LDLRAD3: variants seen among roughly 807,000 people sequenced by gnomAD.
LDLRAD3 encodes the protein low-density lipoprotein receptor class A domain-containing protein 3.
Under a neutral mutation model 29.4 loss-of-function variants are expected in LDLRAD3, and 20 were observed. That is an observed-to-expected ratio of 0.68 (90% confidence interval 0.48 to 0.99). LDLRAD3 has a LOEUF of 0.99. Among genes scored for constraint, LDLRAD3 ranks in the 50% least tolerant of loss-of-function variants. The pLI, the probability that LDLRAD3 is intolerant of heterozygous loss-of-function variation, is 0.00. For synonymous variants in LDLRAD3, 157 were observed against 192.7 expected (o/e 0.81, Z 1.53); for missense variants, 420 against 454.3 (o/e 0.92, Z 0.69).
rs747262995 is a variant in LDLRAD3, at chr11:36,098,414, A to G, written c.407A>G (p.Asn136Ser). 2.0e-5 allele frequency: 33 copies of G among 1,614,114 alleles called. 1 individual carries two copies. In the South Asian group the frequency reaches 3.5e-4, roughly 17 times the overall value. The change falls in exon 4 of 6, where the codon AAT (asparagine) becomes AGT (serine). Residue 136 changes from asparagine to serine, a missense_variant. Physicochemically the swap from Asn to Ser is conservative, Grantham distance 46 (BLOSUM62 1). Coordinates refer to ENST00000315571, the MANE Select transcript of LDLRAD3 (RefSeq NM_174902.4). ...IDKSFICDGQ[N>S]NCQDNSDEES... ...AAGAGCTTCATCTGCGATGGACAGA[A>G]TAACTGTCAAGACAACAGTGATGAG...
intron 1 of LDLRAD3, among the ~76,000 whole-genome samples, chr11:35,951,114 C>G (rs938625567): frequency 3.3e-5 from 5 of 151,986 alleles, no homozygotes; most frequent in African/African-American, 1.2e-4. Context: ...AATACACAGA[C>G]TGAGTACGTG....
At chr11:36,227,453 T>G (rs749085601) in intron 5 of LDLRAD3, 23 bp downstream of exon 5, 7 of 1,506,678 alleles carry the variant, frequency 4.6e-6, no homozygotes, top group Non-Finnish European at 5.3e-6. Context: ...TGGAAGAGAT[T>G]GAGGCGGGAG....
intron 1 of LDLRAD3, among the ~76,000 whole-genome samples, chr11:35,951,106 T>G (rs1851129081): frequency 6.6e-6 from 1 of 151,860 alleles, no homozygotes; most frequent in Admixed American, 6.6e-5. Flanking sequence ...TAAAAAAAAA[T>G]ACACAGACTG....
At chr11:36,086,233 A>C (rs547987164) in intron 3 of LDLRAD3, among the ~76,000 whole-genome samples, 1 of 152,300 alleles carries the variant, frequency 6.6e-6, no homozygotes, top group South Asian at 2.1e-4. Flanking sequence ...TAACTTCAAC[A>C]TCTGTGTCAT....
chr11:36,198,629 T>G (rs563265120), intron 4 of LDLRAD3, among the ~76,000 whole-genome samples: 1 of 152,302 alleles, frequency 6.6e-6, no homozygotes, highest in South Asian at 2.1e-4. Flanking sequence ...AGAGCCAGCC[T>G]TCTTCACTCT....
intron 4 of LDLRAD3, 55 bp downstream of exon 4, chr11:36,098,516 G>T: frequency 6.3e-7 from 1 of 1,597,708 alleles, no homozygotes; most frequent in Non-Finnish European, 8.6e-7. Context: ...TGCAGTAATG[G>T]AACACCCTGA....
intron 4 of LDLRAD3, among the ~76,000 whole-genome samples, chr11:36,141,957 T>G (rs559451517): frequency 6.6e-6 from 1 of 152,384 alleles, no homozygotes; most frequent in East Asian, 1.9e-4. Context: ...TATCAGAGGT[T>G]GTTTTCTTTT....
In LDLRAD3 at chr11:36,228,597, G is replaced by A. The variant is rs531357850; in HGVS notation, c.801-563G>A. On this transcript the variant is annotated intron_variant, in intron 5 of 5. Transcript: ENST00000315571. Reference sequence around the variant, plus strand: ...ATAAGGTAAGGAATGTAAGGGGCATGGCAAAGTGCCTGGCTCATGAGAAGC... The same window carrying A: ...ATAAGGTAAGGAATGTAAGGGGCATAGCAAAGTGCCTGGCTCATGAGAAGC... 2.6e-5 allele frequency among the ~76,000 whole-genome samples: 4 copies of A among 152,326 alleles called. No individual in the cohort carries two copies. In the South Asian group the frequency reaches 8.3e-4, roughly 32 times the overall value.
intron 4 of LDLRAD3, among the ~76,000 whole-genome samples, chr11:36,198,650 C>T (rs1282267088): frequency 1.3e-5 from 2 of 152,202 alleles, no homozygotes; most frequent in Non-Finnish European, 2.9e-5. Context: ...CACCTGACAG[C>T]TCTTGGCACA....
At chr11:36,172,252 G>A (rs1854608452) in intron 4 of LDLRAD3, among the ~76,000 whole-genome samples, 1 of 151,984 alleles carries the variant, frequency 6.6e-6, no homozygotes, top group Non-Finnish European at 1.5e-5. Flanking sequence ...GGGTTTTTTA[G>A]GTATATGATC....
At chr11:36,210,562 G>A (rs1395098270) in intron 4 of LDLRAD3, among the ~76,000 whole-genome samples, 1 of 151,938 alleles carries the variant, frequency 6.6e-6, no homozygotes, top group Non-Finnish European at 1.5e-5. Flanking sequence ...GGAACAACCG[G>A]GTTCAGTGAC....
intron 1 of LDLRAD3, among the ~76,000 whole-genome samples, chr11:35,969,992 A>C (rs965427978): frequency 6.6e-6 from 1 of 152,180 alleles, no homozygotes; most frequent in African/African-American, 2.4e-5. Context: ...TATGAGGAGC[A>C]AAGAAGCTAG....
chr11:36,069,106 A>G (rs1252766383), intron 2 of LDLRAD3, among the ~76,000 whole-genome samples: 1 of 152,230 alleles, frequency 6.6e-6, no homozygotes, highest in East Asian at 1.9e-4. Context: ...AGTCTACTCC[A>G]GTAGTCATGT....
intron 1 of LDLRAD3, among the ~76,000 whole-genome samples, chr11:35,981,711 G>C (rs1851544268): frequency 6.6e-6 from 1 of 152,112 alleles, no homozygotes; most frequent in Non-Finnish European, 1.5e-5. Context: ...GGATAGACTT[G>C]GAAATGCAAG....
chr11:36,216,009 C>T lies in LDLRAD3; in HGVS notation c.455-11076C>T, dbSNP rs529374277. 1.6e-4 allele frequency among the ~76,000 whole-genome samples: 24 copies of T among 152,266 alleles called. No individual in the cohort carries two copies. In the South Asian group the frequency reaches 3.7e-3, roughly 24 times the overall value. On this transcript the variant is annotated intron_variant, in intron 4 of 5. Coordinates refer to ENST00000315571, the MANE Select transcript of LDLRAD3 (RefSeq NM_174902.4). ...TGCTCAGTTCTTGACAAATGTAAGA[C>T]GCGGCAGAGTGTCATACAGCCCCCA...
chr11:36,138,116 G>A (rs1854028546), intron 4 of LDLRAD3, among the ~76,000 whole-genome samples: 1 of 152,234 alleles, frequency 6.6e-6, no homozygotes, highest in Non-Finnish European at 1.5e-5. Flanking sequence ...GACACCAGCA[G>A]GCTGTCCTCT....
At chr11:36,063,225 T>C (rs1266223720) in intron 2 of LDLRAD3, among the ~76,000 whole-genome samples, 3 of 152,082 alleles carry the variant, frequency 2.0e-5, no homozygotes, top group East Asian at 1.9e-4. Context: ...ATTAGGACTT[T>C]CCTGGAAAAA....
chr11:36,063,546 T>A (rs1406843153), intron 2 of LDLRAD3, among the ~76,000 whole-genome samples: 1 of 152,244 alleles, frequency 6.6e-6, no homozygotes, highest in Non-Finnish European at 1.5e-5. Context: ...CTTAGAATAA[T>A]GTTTTCAAGG....
At chr11:36,080,580 G>A (rs1853098169) in intron 2 of LDLRAD3, among the ~76,000 whole-genome samples, 1 of 152,148 alleles carries the variant, frequency 6.6e-6, no homozygotes, top group Non-Finnish European at 1.5e-5. Context: ...CTCTCAAAGC[G>A]CATTTATGAA....
Sources: gnomAD v4.1 joint callset for allele counts (sites outside exome capture counted in the v4.1 genomes callset) on GRCh38, gnomAD v4.1.1 for gene constraint, MANE v1.5 for transcripts, NCBI Gene and HGNC (gene_info 2026-07-23, HGNC 2026-07-21) for gene names.